Variants in SND1 observed in about 807,000 individuals in gnomAD.
The protein encoded by SND1 is staphylococcal nuclease and tudor domain containing 1, also known as staphylococcal nuclease domain-containing protein 1.
Under a neutral mutation model 121.7 loss-of-function variants are expected in SND1, and 38 were observed. The observed-to-expected ratio is 0.31, with a 90% CI of 0.24 to 0.41. SND1 has a LOEUF of 0.41. Ranked by LOEUF, SND1 falls within the 10% of genes least tolerant of loss-of-function variation. The pLI, the probability that SND1 is intolerant of heterozygous loss-of-function variation, is 1.00. For missense variants in SND1, 868 were observed against 1,184.6 expected, an observed-to-expected ratio of 0.73 and a Z score of 3.92; for synonymous variants, 401 against 447.4, an observed-to-expected ratio of 0.90 and a Z score of 1.31.
intron 14 of SND1, among the ~76,000 whole-genome samples, chr7:127,913,330 A>AG (rs1301407965): frequency 2.6e-5 from 4 of 152,200 alleles, no homozygotes; most frequent in Non-Finnish European, 4.4e-5. Flanking sequence ...ACAGGAGTGC[A>AG]TGCAAATGCA....
chr7:127,798,314 C>G (rs939465148), intron 10 of SND1, among the ~76,000 whole-genome samples: 1 of 152,190 alleles, frequency 6.6e-6, no homozygotes, highest in East Asian at 1.9e-4. Flanking sequence ...CTCACTGTGG[C>G]TAGTGTGGGT....
At position 127,704,892 on chromosome 7, in the gene SND1, C is replaced by T; in HGVS notation, c.894C>T (p.Asp298=). The change falls in exon 8 of 24, where the codon GAC becomes GAT. Residue 298 remains aspartate (D), a synonymous_variant. Transcript: ENST00000354725. ...LLKEGFARCV[D]WSIAVYTRGA... ...AGGAAGGTTTCGCACGCTGTGTGGACTGGTCGATTGCAGTTTACACCCGGG... is the reference window on the plus strand; with the variant it reads ...AGGAAGGTTTCGCACGCTGTGTGGATTGGTCGATTGCAGTTTACACCCGGG... 6.2e-7 allele frequency: 1 copy of T among 1,614,076 alleles called. No homozygotes were observed. Among genetic ancestry groups the T allele is most frequent in the Non-Finnish European group, 8.5e-7 (1 of 1,179,976 alleles).
rs773450990 is a variant in SND1, at chr7:128,084,789, G to A, written c.2176G>A (p.Gly726Ser). 1.2e-6 allele frequency: 2 copies of A among 1,609,826 alleles called. No homozygotes were observed. The highest frequency in any genetic ancestry group is 1.7e-5 in the Admixed American group (1 of 59,714). The change falls in exon 19 of 24, where the codon GGC becomes AGC. Residue 726 changes from glycine (G) to serine (S), a missense_variant. Physicochemically the swap from Gly to Ser is moderately conservative, Grantham distance 56. Transcript: ENST00000354725. ...NDIASHPPVE[G>S]SYAPRRGEFC... ...CATTGCCAGTCACCCCCCTGTAGAG[G>A]GCTCCTATGCCCCCCGCAGGGGAGA... is the stretch of plus-strand genomic sequence containing the variant.
chr7:127,752,406 G>C (rs752125239), intron 10 of SND1, among the ~76,000 whole-genome samples: 32 of 152,312 alleles, frequency 2.1e-4, no homozygotes, highest in Admixed American at 2.6e-4. Context: ...ATTGGAAATA[G>C]AAAGATGAAT....
chr7:127,683,347 C>G (rs1230533778), intron 1 of SND1, among the ~76,000 whole-genome samples: 3 of 152,128 alleles, frequency 2.0e-5, no homozygotes, highest in African/African-American at 7.2e-5. Context: ...TCCCAAGTAG[C>G]TGGGACTACT....
chr7:127,838,374 A>G (rs1798905135), intron 11 of SND1, among the ~76,000 whole-genome samples: 1 of 152,226 alleles, frequency 6.6e-6, no homozygotes, highest in Admixed American at 6.5e-5. Context: ...TTTACAGGCT[A>G]AAAACCTTTG....
intron 10 of SND1, among the ~76,000 whole-genome samples, chr7:127,753,438 A>T (rs944642251): frequency 1.3e-5 from 2 of 150,474 alleles, no homozygotes; most frequent in Non-Finnish European, 3.0e-5. Flanking sequence ...AGATGTTGAT[A>T]TTTTTTTTCT....
intron 17 of SND1, 29 bp from the exon 18 acceptor site, chr7:128,081,331 C>T: frequency 6.2e-7 from 1 of 1,613,492 alleles, no homozygotes; most frequent in East Asian, 2.2e-5. Context: ...TCCTCGCCCT[C>T]TTCTCACCTC....
At position 128,087,055 on chromosome 7, in the gene SND1, A is replaced by C; in HGVS notation, c.2418+4A>C. On this transcript the variant is annotated splice_donor_region_variant and intron_variant, in intron 21 of 23. Transcript: ENST00000354725. ...CTTCATCCAGGTGCCCCAAGATGTG[A>C]GTCTGGAGTCTTCCTCCTTCCAAAG... 6.2e-7 allele frequency: 1 copy of C among 1,609,406 alleles called. No homozygotes were observed. Among genetic ancestry groups the C allele is most frequent in the Non-Finnish European group, 8.5e-7 (1 of 1,175,858 alleles).
intron 10 of SND1, among the ~76,000 whole-genome samples, chr7:127,795,982 C>T (rs1798014911): frequency 1.3e-5 from 2 of 152,018 alleles, no homozygotes; most frequent in South Asian, 4.2e-4. Context: ...CTCAGCCTCC[C>T]TAGTAGCTGG....
intron 1 of SND1, among the ~76,000 whole-genome samples, chr7:127,666,398 A>G (rs1795419276): frequency 6.6e-6 from 1 of 152,230 alleles, no homozygotes; most frequent in Non-Finnish European, 1.5e-5. Context: ...AGAGAGAAGA[A>G]TAAGCTCAGG....
intron 16 of SND1, among the ~76,000 whole-genome samples, chr7:128,061,259 A>G (rs541550603): frequency 3.6e-4 from 55 of 152,340 alleles, no homozygotes; most frequent in Non-Finnish European, 7.1e-4. Context: ...ATCAACACCC[A>G]TGCTGCTGAC....
chr7:128,074,729 C>A, intron 17 of SND1, 39 bp downstream of exon 17: 1 of 1,551,380 alleles, frequency 6.4e-7, no homozygotes, highest in Non-Finnish European at 8.7e-7. Flanking sequence ...CCTGCCCTCC[C>A]GTCCTCCTCA....
chr7:127,938,232 C>G (rs989426942), intron 15 of SND1, among the ~76,000 whole-genome samples: 9 of 152,130 alleles, frequency 5.9e-5, no homozygotes, highest in Admixed American at 2.0e-4. Context: ...GAGTCACTTA[C>G]AGGAAAGAAT....
intron 15 of SND1, among the ~76,000 whole-genome samples, chr7:127,964,576 G>A (rs1278084583): frequency 5.9e-5 from 9 of 151,934 alleles, no homozygotes; most frequent in African/African-American, 1.5e-4. Flanking sequence ...GGTAAGCGGC[G>A]TTATTTCTGA....
At chr7:128,009,125 CT>C (rs1803053264) in intron 16 of SND1, among the ~76,000 whole-genome samples, 1 of 152,190 alleles carries the variant, frequency 6.6e-6, no homozygotes, top group Non-Finnish European at 1.5e-5. Context: ...GAGCGGCCCC[CT>C]GGTGAGGGGC....
chr7:127,754,402 C>T (rs1797157381), intron 10 of SND1, among the ~76,000 whole-genome samples: 1 of 152,194 alleles, frequency 6.6e-6, no homozygotes, highest in South Asian at 2.1e-4. Context: ...AATCATGTTG[C>T]AGTAACAAAA....
At chr7:127,756,786 A>C (rs2116467489) in intron 10 of SND1, among the ~76,000 whole-genome samples, 1 of 152,340 alleles carries the variant, frequency 6.6e-6, no homozygotes, top group African/African-American at 2.4e-5. Flanking sequence ...GCCACCAGGA[A>C]TAATTTGCAT....
At chr7:127,853,136 C>A (rs1283323237) in intron 12 of SND1, among the ~76,000 whole-genome samples, 2 of 152,042 alleles carry the variant, frequency 1.3e-5, no homozygotes, top group South Asian at 2.1e-4. Flanking sequence ...AAATTATAGA[C>A]CCCACTGAAA....
Sources: gnomAD v4.1 joint callset for allele counts (sites outside exome capture counted in the v4.1 genomes callset) on GRCh38, gnomAD v4.1.1 for gene constraint, MANE v1.5 for transcripts, NCBI Gene and HGNC (gene_info 2026-07-23, HGNC 2026-07-21) for gene names.